SCGN: variants seen among roughly 807,000 people sequenced by gnomAD.
SCGN encodes secretagogin.
In SCGN, 30 loss-of-function variants were observed where a neutral mutation model predicts 39.7. The ratio of observed to expected loss-of-function variants is 0.76; its 90% CI spans 0.57 to 1.03. The LOEUF (loss-of-function observed/expected upper bound fraction) is 1.03, where lower values mean the gene tolerates loss of function less well. SCGN is among the 50% of genes least tolerant of loss of function. The pLI, the probability that SCGN is intolerant of heterozygous loss-of-function variation, is 0.00. For missense variants in SCGN, 353 were observed against 349.4 expected (o/e 1.01, Z -0.08); for synonymous variants, 106 against 114.1 (o/e 0.93, Z 0.45).
chr6:25,672,777 T>A (rs916579315), intron 6 of SCGN, among the ~76,000 whole-genome samples: 17 of 152,136 alleles, frequency 1.1e-4, no homozygotes, highest in African/African-American at 4.1e-4. Context: ...AAGTATGGAA[T>A]CAGGAAGATC....
At chr6:25,684,720 G>A (rs971872256) in intron 7 of SCGN, among the ~76,000 whole-genome samples, 2 of 152,240 alleles carry the variant, frequency 1.3e-5, no homozygotes, top group Non-Finnish European at 2.9e-5. Flanking sequence ...TCAGGCAGGA[G>A]AATCGCTTGA....
chr6:25,661,630 A>G lies in SCGN; in HGVS notation c.232A>G (p.Ile78Val). ...TTQDASKDGRIRMKELAGMFL... is the reference protein window; with the variant it reads ...TTQDASKDGRVRMKELAGMFL... ...CCAAGATGCCTCTAAAGATGGTCGC[A>G]TTCGGATGAAAGAGGTAACTTTACT... is the stretch of plus-strand genomic sequence containing the variant. Residue 78 changes from isoleucine (I) to valine (V), a missense_variant, in exon 3 of 11, where the codon ATT becomes GTT. Ile to Val is a conservative substitution (Grantham distance 29). Coordinates refer to ENST00000377961, the MANE Select transcript of SCGN (RefSeq NM_006998.4). 2 of 1,612,176 alleles carry G rather than the reference A, an allele frequency of 1.2e-6. No homozygotes were observed. The highest frequency in any genetic ancestry group is 1.7e-6 in the Non-Finnish European group (2 of 1,178,384).
intron 4 of SCGN, among the ~76,000 whole-genome samples, 164 bp downstream of exon 4, chr6:25,665,196 C>G (rs961688918): frequency 1.3e-5 from 2 of 152,268 alleles, no homozygotes; most frequent in Non-Finnish European, 2.9e-5. Flanking sequence ...ACTTTGGTCC[C>G]AAACCCCAGT....
At position 25,670,004 on chromosome 6, in the gene SCGN, C is replaced by G. The variant is rs1321608498; in HGVS notation, c.399C>G (p.Phe133Leu). ...GFISAAELRN[F>L]LRDLFLHHKK... Reference sequence around the variant, plus strand: ...TTCTTCTCTTGGCGCCACAGAACTTCCTCCGAGACCTCTTTCTTCACCACA... The same window carrying G: ...TTCTTCTCTTGGCGCCACAGAACTTGCTCCGAGACCTCTTTCTTCACCACA... Residue 133 changes from phenylalanine to leucine, a missense_variant, in exon 6 of 11, where the codon TTC (phenylalanine) becomes TTG (leucine). Coordinates refer to ENST00000377961, the MANE Select transcript of SCGN (RefSeq NM_006998.4). The G allele has an allele frequency of 6.2e-7, 1 of 1,613,346 alleles. No homozygotes were observed. Among genetic ancestry groups the G allele is most frequent in the African/African-American group, 1.3e-5 (1 of 75,000 alleles).
intron 10 of SCGN, among the ~76,000 whole-genome samples, chr6:25,695,928 C>T (rs1214602480): frequency 6.6e-6 from 1 of 152,190 alleles, no homozygotes; most frequent in African/African-American, 2.4e-5. Context: ...GCAAGAAATT[C>T]CAGATCTCCC....
intron 5 of SCGN, 58 bp from the exon 6 acceptor site, chr6:25,669,941 G>GA: frequency 7.4e-7 from 1 of 1,345,516 alleles, no homozygotes; most frequent in Non-Finnish European, 1.1e-6. Context: ...GGCCTTTTAA[G>GA]ACCTTTGCAG....
chr6:25,659,323 G>T (rs375886417), intron 2 of SCGN, among the ~76,000 whole-genome samples: 22 of 152,174 alleles, frequency 1.4e-4, no homozygotes, highest in East Asian at 9.6e-4. Flanking sequence ...ATTTATTAAC[G>T]ACTTAATGTT....
At chr6:25,692,879 A>T (rs1158130352) in intron 10 of SCGN, among the ~76,000 whole-genome samples, 6 of 152,126 alleles carry the variant, frequency 3.9e-5, no homozygotes, top group African/African-American at 7.2e-5. Context: ...CTATGAAAAG[A>T]ACTGATTGGA....
intron 1 of SCGN, 50 bp from the exon 2 acceptor site, chr6:25,653,332 A>G: frequency 1.7e-6 from 2 of 1,175,622 alleles, no homozygotes; most frequent in South Asian, 1.3e-5. Flanking sequence ...AAATACTGTC[A>G]TGTGTTTTTT....
chr6:25,681,927 A>G, intron 6 of SCGN, 24 bp from the exon 7 acceptor site: 5 of 1,601,222 alleles, frequency 3.1e-6, no homozygotes, highest in Non-Finnish European at 4.3e-6. Flanking sequence ...TACAAGTACA[A>G]CCATTTTCCC....
intron 2 of SCGN, among the ~76,000 whole-genome samples, chr6:25,658,837 T>C (rs1760282673): frequency 6.6e-6 from 1 of 152,198 alleles, no homozygotes; most frequent in Non-Finnish European, 1.5e-5. Context: ...ATTCTATCTT[T>C]ATACTTGCTG....
At chr6:25,661,696 T>C in intron 3 of SCGN, 52 bp downstream of exon 3, 1 of 1,213,034 alleles carries the variant, frequency 8.2e-7, no homozygotes, top group Non-Finnish European at 1.2e-6. Flanking sequence ...GACTGTTTTT[T>C]TCTTTACTTT....
At chr6:25,657,511 T>C (rs1760248383) in intron 2 of SCGN, among the ~76,000 whole-genome samples, 1 of 152,140 alleles carries the variant, frequency 6.6e-6, no homozygotes, top group Non-Finnish European at 1.5e-5. Flanking sequence ...TATATGTTCT[T>C]ATGCTGACGC....
intron 3 of SCGN, 81 bp from the exon 4 acceptor site, chr6:25,664,862 C>A: frequency 9.7e-7 from 1 of 1,032,348 alleles, no homozygotes. Context: ...GGAATATGCA[C>A]CACCATGCCT....
intron 10 of SCGN, among the ~76,000 whole-genome samples, chr6:25,694,174 C>T (rs1198750160): frequency 6.6e-6 from 1 of 152,146 alleles, no homozygotes; most frequent in Non-Finnish European, 1.5e-5. Context: ...GCCCAGATAT[C>T]TATAACCAGT....
At chr6:25,671,425 C>G (rs1759496926) in intron 6 of SCGN, among the ~76,000 whole-genome samples, 2 of 152,202 alleles carry the variant, frequency 1.3e-5, no homozygotes, top group African/African-American at 4.8e-5. Context: ...AATGTGCCCC[C>G]AGTCAAGTGA....
At chr6:25,693,753 G>A (rs994360345) in intron 10 of SCGN, among the ~76,000 whole-genome samples, 16 of 152,122 alleles carry the variant, frequency 1.1e-4, no homozygotes, top group Non-Finnish European at 1.9e-4. Context: ...GCATACTATA[G>A]AAAAATGTTG....
chr6:25,682,123 G>T (rs989840031), intron 7 of SCGN, 117 bp downstream of exon 7: 5 of 711,260 alleles, frequency 7.0e-6, no homozygotes, highest in African/African-American at 1.8e-5. Flanking sequence ...TAAAAGAATA[G>T]GCACATCTTA....
At position 25,668,693 on chromosome 6, in the gene SCGN, G is replaced by A. The variant is rs151149677; in HGVS notation, c.337-818G>A. On this transcript the variant is annotated intron_variant, in intron 4 of 10. Transcript: ENST00000377961. ...TAAAACTGCAGGCTTTGTTGCCAGG[G>A]ACAGGCAGACATACTTGGGACAGGC... 4.3e-3 allele frequency among the ~76,000 whole-genome samples: 660 copies of A among 152,280 alleles called. 9 individuals are homozygous for A. The highest frequency in any genetic ancestry group is 0.015 in the African/African-American group (614 of 41,550).
Sources: gnomAD v4.1 joint callset for allele counts (sites outside exome capture counted in the v4.1 genomes callset) on GRCh38, gnomAD v4.1.1 for gene constraint, MANE v1.5 for transcripts, NCBI Gene and HGNC (gene_info 2026-07-23, HGNC 2026-07-21) for gene names.